IL1RAPL2: variants seen among roughly 807,000 people sequenced by gnomAD.
IL1RAPL2 encodes the protein X-linked interleukin-1 receptor accessory protein-like 2.
Under a neutral mutation model 44.1 loss-of-function variants are expected in IL1RAPL2, and 3 were observed. That is an observed-to-expected ratio of 0.07 (90% confidence interval 0.03 to 0.18). The LOEUF (loss-of-function observed/expected upper bound fraction) is 0.18, where lower values mean the gene tolerates loss of function less well. Ranked by LOEUF, IL1RAPL2 falls within the 10% of genes least tolerant of loss-of-function variation. The probability of loss-of-function intolerance (pLI) is 1.00; values close to 1 mark genes in which losing one functional copy is unlikely to be tolerated. For synonymous variants in IL1RAPL2, 181 were observed against 178.8 expected (o/e 1.01, Z -0.10); for missense variants, 391 against 496.4 (o/e 0.79, Z 2.02).
intron 2 of IL1RAPL2, among the ~76,000 whole-genome samples, chrX:104,743,000 G>GT (rs1057254134): frequency 2.7e-5 from 3 of 111,739 alleles, no homozygotes; most frequent in East Asian, 2.8e-4. Flanking sequence ...CTTGGCATCA[G>GT]TTTATATACC....
chrX:104,789,284 G>T (rs761779237), intron 2 of IL1RAPL2, among the ~76,000 whole-genome samples: 2 of 111,517 alleles, frequency 1.8e-5, no homozygotes, highest in Non-Finnish European at 3.8e-5. Context: ...TTCAACTCTT[G>T]CCCTCATCCC....
At chrX:105,054,671 T>A (rs2031970510) in intron 2 of IL1RAPL2, among the ~76,000 whole-genome samples, 1 of 112,336 alleles carries the variant, frequency 8.9e-6, no homozygotes, top group South Asian at 3.7e-4. Flanking sequence ...CATATGTTAA[T>A]TAGATACACG....
chrX:105,704,630 T>G (rs2038147847), intron 6 of IL1RAPL2, among the ~76,000 whole-genome samples: 1 of 111,703 alleles, frequency 9.0e-6, no homozygotes, highest in Admixed American at 9.5e-5. Context: ...CTTTTAAATT[T>G]TATTTTTAGT....
At chrX:105,697,451 G>C (rs1003870242) in intron 6 of IL1RAPL2, among the ~76,000 whole-genome samples, 3 of 111,519 alleles carry the variant, frequency 2.7e-5, no homozygotes, top group Admixed American at 9.6e-5. Flanking sequence ...CAGTTGATTA[G>C]GCAGTGCTCA....
chrX:105,462,524 T>C (rs921760704), intron 5 of IL1RAPL2, among the ~76,000 whole-genome samples: 4 of 111,663 alleles, frequency 3.6e-5, no homozygotes, highest in Non-Finnish European at 7.5e-5. Flanking sequence ...GTTTCAATTA[T>C]ACTTTGCCAT....
At chrX:105,380,672 G>T (rs1270236399) in intron 5 of IL1RAPL2, among the ~76,000 whole-genome samples, 1 of 111,580 alleles carries the variant, frequency 9.0e-6, no homozygotes, top group Non-Finnish European at 1.9e-5. Flanking sequence ...ATTTTCTCAG[G>T]TCTGATTTTA....
intron 1 of IL1RAPL2, among the ~76,000 whole-genome samples, chrX:104,573,996 AAAC>A (rs1305599598): frequency 8.9e-6 from 1 of 111,838 alleles, no homozygotes. Context: ...AATGTAAAAA[AAAC>A]TATAAAGACA....
intron 2 of IL1RAPL2, among the ~76,000 whole-genome samples, chrX:105,094,673 T>A (rs1214230772): frequency 9.0e-6 from 1 of 111,357 alleles, no homozygotes; most frequent in African/African-American, 3.3e-5. Context: ...GAGTCTCTTG[T>A]AATTCCACAT....
At chrX:105,694,770 T>C (rs1178255350) in intron 6 of IL1RAPL2, among the ~76,000 whole-genome samples, 1 of 111,528 alleles carries the variant, frequency 9.0e-6, no homozygotes, top group African/African-American at 3.3e-5. Context: ...CCATGTCAGC[T>C]AATATAGAAA....
chrX:105,385,703 C>T (rs891706562), intron 5 of IL1RAPL2, among the ~76,000 whole-genome samples: 11 of 110,452 alleles, frequency 1.0e-4, no homozygotes, highest in Non-Finnish European at 1.7e-4. Flanking sequence ...CTAAAGAGAT[C>T]AAAGTCTTGG....
chrX:105,281,001 T>G (rs932909253), intron 5 of IL1RAPL2, among the ~76,000 whole-genome samples: 1 of 111,393 alleles, frequency 9.0e-6, no homozygotes, highest in Non-Finnish European at 1.9e-5. Flanking sequence ...CTCTTCACAA[T>G]AGCAAATACT....
intron 2 of IL1RAPL2, among the ~76,000 whole-genome samples, chrX:105,105,549 G>A (rs979726719): frequency 6.2e-5 from 7 of 112,410 alleles, no homozygotes; most frequent in South Asian, 3.6e-4. Context: ...CGTTGGGCTC[G>A]TTAGTTTGGT....
intron 5 of IL1RAPL2, among the ~76,000 whole-genome samples, chrX:105,329,409 C>G (rs1007483297): frequency 8.9e-6 from 1 of 111,807 alleles, no homozygotes; most frequent in Non-Finnish European, 1.9e-5. Context: ...ATTTGTATCT[C>G]TAGATTCCTA....
intron 2 of IL1RAPL2, among the ~76,000 whole-genome samples, chrX:104,813,645 T>C (rs1321456358): frequency 9.0e-6 from 1 of 111,665 alleles, no homozygotes; most frequent in Non-Finnish European, 1.9e-5. Context: ...ATGTGGTCAC[T>C]TTTTCAGTCC....
At chrX:105,466,216 T>C (rs1000175268) in intron 5 of IL1RAPL2, among the ~76,000 whole-genome samples, 1 of 110,775 alleles carries the variant, frequency 9.0e-6, no homozygotes, top group African/African-American at 3.3e-5. Flanking sequence ...CCTTTCAGAA[T>C]ACCTAATCTC....
chrX:104,722,776 C>T (rs1182158936), intron 2 of IL1RAPL2, among the ~76,000 whole-genome samples: 3 of 111,230 alleles, frequency 2.7e-5, no homozygotes, highest in African/African-American at 9.8e-5. Context: ...GAGTTGTCTG[C>T]AAAGATTAAA....
intron 1 of IL1RAPL2, among the ~76,000 whole-genome samples, chrX:104,632,049 T>C (rs376760172): frequency 6.4e-5 from 7 of 109,950 alleles, no homozygotes; most frequent in Admixed American, 9.7e-5. Context: ...CAGTTTCAGC[T>C]TTCTACATAT....
At chrX:105,405,814 G>A in intron 5 of IL1RAPL2, 18 of 1,172,322 alleles carry the variant, frequency 1.5e-5, no homozygotes, top group Non-Finnish European at 2.1e-5. Context: ...GCTGTATATG[G>A]AACTTTATCT....
At chrX:104,780,836 C>A (rs1932767345) in intron 2 of IL1RAPL2, among the ~76,000 whole-genome samples, 1 of 111,173 alleles carries the variant, frequency 9.0e-6, no homozygotes, top group African/African-American at 3.3e-5. Context: ...ATTTGCCATC[C>A]AAATAGGTCA....
Sources: gnomAD v4.1 joint callset for allele counts (sites outside exome capture counted in the v4.1 genomes callset) on GRCh38, gnomAD v4.1.1 for gene constraint, MANE v1.5 for transcripts, NCBI Gene and HGNC (gene_info 2026-07-23, HGNC 2026-07-21) for gene names.